The following EIF2B5 variants were observed in gnomAD, a reference collection of about 807,000 sequenced individuals.
EIF2B5 encodes the protein translation initiation factor eIF2B subunit epsilon.
In EIF2B5, 38 loss-of-function variants were observed where a neutral mutation model predicts 87.3. That is an observed-to-expected ratio of 0.44 (90% confidence interval 0.34 to 0.57). The LOEUF (loss-of-function observed/expected upper bound fraction) is 0.57. EIF2B5 is among the 20% of genes least tolerant of loss of function. The pLI, the probability that EIF2B5 is intolerant of heterozygous loss-of-function variation, is 0.02. For synonymous variants in EIF2B5, 313 were observed against 339.6 expected (o/e 0.92, Z 0.86); for missense variants, 784 against 909.5 (o/e 0.86, Z 1.78).
chr3:184,142,546 T>C lies in EIF2B5; in HGVS notation c.1489T>C (p.Trp497Arg), dbSNP rs1412381683. ...AGGAGCTGCTGGCAAGGGCTACCTC[T>C]GGAAAGCTGCAGGCATGAACATGGA... is the stretch of plus-strand genomic sequence containing the variant. Reference protein sequence around the residue: ...EVGAAGKGYLWKAAGMNMEEE... With the variant: ...EVGAAGKGYLRKAAGMNMEEE... The change falls in exon 10 of 16, where the codon TGG becomes CGG. Residue 497 changes from tryptophan to arginine, a missense_variant. Trp to Arg is a moderately radical substitution (Grantham distance 101). Coordinates refer to ENST00000648915, the MANE Select transcript of EIF2B5 (RefSeq NM_003907.3). This position sits in a 1 kb window ranked among gnomAD's most constrained non-coding sequence, Gnocchi z 5.0. The C allele has an allele frequency of 6.2e-7, 1 of 1,614,138 alleles. No homozygotes were observed. Among genetic ancestry groups the C allele is most frequent in the Non-Finnish European group, 8.5e-7 (1 of 1,180,026 alleles).
At position 184,144,135 on chromosome 3, in the gene EIF2B5, A is replaced by G. The variant is rs896253921; in HGVS notation, c.1906A>G (p.Ile636Val). The change falls in exon 14 of 16, where the codon ATA becomes GTA. Residue 636 changes from isoleucine to valine, a missense_variant. Coordinates refer to ENST00000648915, the MANE Select transcript of EIF2B5 (RefSeq NM_003907.3). Reference sequence around the variant, plus strand: ...CTGGAGCCCTGTTTTTAGGAACTACATAAAGCGCGCAGCCGACCATTTGGA... The same window carrying G: ...CTGGAGCCCTGTTTTTAGGAACTACGTAAAGCGCGCAGCCGACCATTTGGA... The part of the protein sequence containing the change: ...KAWSPVFRNY[I>V]KRAADHLEAL... 3.1e-6 allele frequency: 5 copies of G among 1,614,254 alleles called. No homozygotes were observed. The highest frequency in any genetic ancestry group is 1.1e-5 in the South Asian group (1 of 91,082).
intron 2 of EIF2B5, chr3:184,137,355 A>G: frequency 1.9e-6 from 1 of 534,620 alleles, no homozygotes; most frequent in Non-Finnish European, 3.4e-6. Flanking sequence ...CAGGATTTTG[A>G]GTTCAAATTG....
chr3:184,138,739 C>T (rs1713476977), intron 5 of EIF2B5: 2 of 224,478 alleles, frequency 8.9e-6, no homozygotes, highest in Non-Finnish European at 1.8e-5. Flanking sequence ...ACCATGACTG[C>T]TCACTGCAGC....
rs548249072 is a variant in EIF2B5 at position 184,136,682 on chromosome 3, A to G, written c.266A>G (p.Gln89Arg). The G allele has an allele frequency of 3.1e-6, 5 of 1,614,230 alleles. No homozygotes were observed. Among genetic ancestry groups the G allele is most frequent in the South Asian group, 1.1e-5 (1 of 91,088 alleles). Residue 89 changes from glutamine to arginine, a missense_variant, in exon 2 of 16, where the codon CAG (glutamine) becomes CGG (arginine). By Grantham distance (43) the Gln-to-Arg change is conservative (BLOSUM62 1). Coordinates refer to ENST00000648915, the MANE Select transcript of EIF2B5 (RefSeq NM_003907.3). ...TLEFLTATGVQETFVFCCWKA... is the reference protein window; with the variant it reads ...TLEFLTATGVRETFVFCCWKA... ...GAATTCCTGACTGCCACAGGTGTAC[A>G]GGAAACATTTGTCTTTTGTTGCTGG...
chr3:184,142,359 G>C lies in EIF2B5; in HGVS notation c.1425G>C (p.Lys475Asn), dbSNP rs747037283. The stretch of plus-strand genomic sequence containing the variant: ...ATGATTCTGGGGCTGACCAAGAAAA[G>C]GACAAAGTGAAGATGAAAGGTGTGA... The part of the protein sequence containing the change: ...FSDDSGADQE[K>N]DKVKMKGYNP... The change falls in exon 9 of 16, where the codon AAG becomes AAC. Residue 475 changes from lysine to asparagine, a missense_variant. Coordinates refer to ENST00000648915, the MANE Select transcript of EIF2B5 (RefSeq NM_003907.3). This position sits in a 1 kb window ranked among gnomAD's most constrained non-coding sequence, Gnocchi z 5.0. 1.2e-6 allele frequency: 2 copies of C among 1,614,054 alleles called. No individual in the cohort carries two copies. The highest frequency in any genetic ancestry group is 1.7e-6 in the Non-Finnish European group (2 of 1,180,034).
chr3:184,143,809 A>G (rs1713745954), intron 13 of EIF2B5: 1 of 674,744 alleles, frequency 1.5e-6, no homozygotes, highest in Non-Finnish European at 2.5e-6. Flanking sequence ...TTCAGAATGG[A>G]CCTGGACATT....
In EIF2B5 at chr3:184,144,959, T is replaced by C. The variant is rs972066340; in HGVS notation, c.*16T>C. 4.3e-6 allele frequency: 7 copies of C among 1,612,654 alleles called. No homozygotes were observed. The highest frequency in any genetic ancestry group is 1.7e-5 in the Admixed American group (1 of 59,962). On this transcript the variant is annotated 3_prime_UTR_variant, in exon 16 of 16. Coordinates refer to ENST00000648915, the MANE Select transcript of EIF2B5 (RefSeq NM_003907.3). ...AGATGACTGAAGTCACACTGCCTGC[T>C]CCTTTGGGTGTGATTGAGTGCCCTC...
chr3:184,135,501 C>A lies in EIF2B5; in HGVS notation c.116C>A (p.Pro39Gln). ...GGAGCCAGAGGGGCGGAGGAGGAAC[C>A]GCCGCCGCCCCTACAAGCAGTTCTG... Reference protein sequence around the residue: ...GGGARGAEEEPPPPLQAVLVA... With the variant: ...GGGARGAEEEQPPPLQAVLVA... The change falls in exon 1 of 16, where the codon CCG (proline) becomes CAG (glutamine). Residue 39 changes from proline (P) to glutamine (Q), a missense_variant. By Grantham distance (76) the Pro-to-Gln change is moderately conservative. This residue lies in a region of EIF2B5 where 117 missense variants were observed against 101.0 expected (regional missense o/e 1.16). Transcript: ENST00000648915. The A allele has an allele frequency of 1.9e-6, 3 of 1,580,548 alleles. No homozygotes were observed. The highest frequency in any genetic ancestry group is 4.6e-5 in the East Asian group (2 of 43,142).
chr3:184,137,895 T>G lies in EIF2B5; in HGVS notation c.507-3T>G. 1 of 1,614,180 alleles carries G rather than the reference T, an allele frequency of 6.2e-7. No homozygotes were observed. Among genetic ancestry groups the G allele is most frequent in the Non-Finnish European group, 8.5e-7 (1 of 1,180,046 alleles). ...GCAGTTCTGTCCCTCCTGTCCTTTA[T>G]AGGTTGAGACGGAAGCTAGAAAAAA... On this transcript the variant is annotated splice_region_variant and splice_polypyrimidine_tract_variant and intron_variant, in intron 3 of 15. Transcript: ENST00000648915.
rs1713707466 is a variant in EIF2B5, at chr3:184,142,949, G to C, written c.1654+63G>C. On this transcript the variant is annotated intron_variant, in intron 11 of 15. Coordinates refer to ENST00000648915, the MANE Select transcript of EIF2B5 (RefSeq NM_003907.3). This position sits in a 1 kb window ranked among gnomAD's most constrained non-coding sequence, Gnocchi z 5.0. ...TCTCTGCCTGGATCAACTAGCCAGAGGCTTACGTTCCTCAGAAAGGGTTTG... is the reference window on the plus strand; with the variant it reads ...TCTCTGCCTGGATCAACTAGCCAGACGCTTACGTTCCTCAGAAAGGGTTTG... The C allele has an allele frequency of 6.4e-7, 1 of 1,574,544 alleles. No individual in the cohort carries two copies. The highest frequency in any genetic ancestry group is 8.7e-7 in the Non-Finnish European group (1 of 1,151,710).
chr3:184,140,507 T>A lies in EIF2B5; in HGVS notation c.933T>A (p.Ala311=). 1 of 1,614,150 alleles carries A rather than the reference T, an allele frequency of 6.2e-7. No homozygotes were observed. Among genetic ancestry groups the A allele is most frequent in the Non-Finnish European group, 8.5e-7 (1 of 1,180,030 alleles). The change falls in exon 7 of 16, where the codon GCT becomes GCA. Residue 311 remains alanine, a synonymous_variant. Transcript: ENST00000648915. ...TACACATGTACTCAGCTGTCTGTGCTGACGTCATCCGCCGATGGGTCTACC... is the reference window on the plus strand; with the variant it reads ...TACACATGTACTCAGCTGTCTGTGCAGACGTCATCCGCCGATGGGTCTACC... ...SNLHMYSAVC[A]DVIRRWVYPL...
chr3:184,144,351 T>C, intron 14 of EIF2B5, 127 bp downstream of exon 14: 2 of 1,473,618 alleles, frequency 1.4e-6, no homozygotes. Flanking sequence ...AATATGCTTA[T>C]TGCTAGAATA....
At chr3:184,140,379 C>G (rs1672123182) in intron 6 of EIF2B5, 39 bp from the exon 7 acceptor site, 3 of 1,609,320 alleles carry the variant, frequency 1.9e-6, no homozygotes, top group Non-Finnish European at 2.6e-6. Flanking sequence ...TTCTTCCTGT[C>G]TTTCTTGCTT....
rs113994075 is a variant in EIF2B5, at chr3:184,141,928, A to G, written c.1160A>G (p.Asp387Gly). ...AGGTCTTCCCATCCTGAGCCAGGTG[A>G]TAACGTGGTGCTGGACCAGACCTAC... The part of the protein sequence containing the change: ...SVIGPGCHIG[D>G]NVVLDQTYLW... Residue 387 changes from aspartate to glycine, a missense_variant, in exon 8 of 16, where the codon GAT becomes GGT. This residue lies in a region of EIF2B5 where 660 missense variants were observed against 789.5 expected (regional missense o/e 0.84). Transcript: ENST00000648915. 10 of 1,614,068 alleles carry G rather than the reference A, an allele frequency of 6.2e-6. No homozygotes were observed. The highest frequency in any genetic ancestry group is 1.1e-5 in the South Asian group (1 of 91,068).
Position 184,142,151 on chromosome 3 carries a change from A to C in EIF2B5, c.1302+81A>C. On this transcript the variant is annotated intron_variant, in intron 8 of 15. Transcript: ENST00000648915. This position sits in a 1 kb window ranked among gnomAD's most constrained non-coding sequence, Gnocchi z 5.0. ...GCCAGAAGGGGCATTATTTCCACCC[A>C]TAATCCTGTCTAAAAAAGTTGCTCT... is the stretch of plus-strand genomic sequence containing the variant. 6.2e-7 allele frequency: 1 copy of C among 1,614,008 alleles called. No homozygotes were observed. Among genetic ancestry groups the C allele is most frequent in the Non-Finnish European group, 8.5e-7 (1 of 1,179,940 alleles).
At position 184,142,852 on chromosome 3, in the gene EIF2B5, C is replaced by T. The variant is rs1478117377; in HGVS notation, c.1620C>T (p.Ser540=). ...EQSMDSEEPD[S]RGGSPQMDDI... is the part of the protein sequence containing the mutation. Reference sequence around the variant, plus strand: ...GTATGGATTCTGAGGAGCCGGACAGCCGGGGAGGCTCCCCTCAGATGGATG... The same window carrying T: ...GTATGGATTCTGAGGAGCCGGACAGTCGGGGAGGCTCCCCTCAGATGGATG... Residue 540 remains serine (S), a synonymous_variant, in exon 11 of 16, where the codon AGC becomes AGT. Coordinates refer to ENST00000648915, the MANE Select transcript of EIF2B5 (RefSeq NM_003907.3). This position sits in a 1 kb window ranked among gnomAD's most constrained non-coding sequence, Gnocchi z 5.0. 5.0e-6 allele frequency: 8 copies of T among 1,613,834 alleles called. No homozygotes were observed. The highest frequency in any genetic ancestry group is 6.8e-6 in the Non-Finnish European group (8 of 1,179,970).
At position 184,137,994 on chromosome 3, in the gene EIF2B5, G is replaced by A. The variant is rs779505311; in HGVS notation, c.603G>A (p.Val201=). Residue 201 remains valine, a synonymous_variant, in exon 4 of 16, where the codon GTG becomes GTA. Coordinates refer to ENST00000648915, the MANE Select transcript of EIF2B5 (RefSeq NM_003907.3). ...SHPTRCHEDN[V]VVAVDSTTNR... ...CAACTCGTTGCCACGAAGACAATGTGGTAGTGGCTGTGGATAGTACCACAA... is the reference window on the plus strand; with the variant it reads ...CAACTCGTTGCCACGAAGACAATGTAGTAGTGGCTGTGGATAGTACCACAA... The A allele has an allele frequency of 2.5e-6, 4 of 1,614,200 alleles. No individual in the cohort carries two copies. Among genetic ancestry groups the A allele is most frequent in the Non-Finnish European group, 2.5e-6 (3 of 1,180,046 alleles).
rs770857433 is a variant in EIF2B5, at chr3:184,138,172, T to C, written c.691T>C (p.Phe231Leu). ...LRRFAFPLSL[F>L]QGSSDGVEVR... ...TTGTAACTTCTCCCCACAGAGCCTG[T>C]TTCAGGGCAGTAGTGATGGAGTGGA... The change falls in exon 5 of 16, where the codon TTT (phenylalanine) becomes CTT (leucine). Residue 231 changes from phenylalanine (F) to leucine (L), a missense_variant. This residue lies in a region of EIF2B5 where 660 missense variants were observed against 789.5 expected (regional missense o/e 0.84). Transcript: ENST00000648915. The C allele has an allele frequency of 6.2e-7, 1 of 1,614,122 alleles. No homozygotes were observed. Among genetic ancestry groups the C allele is most frequent in the South Asian group, 1.1e-5 (1 of 91,082 alleles).
intron 6 of EIF2B5, 123 bp downstream of exon 6, chr3:184,140,280 C>T (rs942390974): frequency 7.3e-6 from 10 of 1,375,902 alleles, no homozygotes; most frequent in Middle Eastern, 3.6e-4. Flanking sequence ...AAGCAGGGGA[C>T]AGGAGGAACA....
Sources: gnomAD v4.1 joint callset for allele counts on GRCh38, gnomAD v4.1.1 for gene constraint, gnomAD v4.1.1 regional missense constraint, Gnocchi (gnomAD v3.1) non-coding constraint, MANE v1.5 for transcripts, NCBI Gene and HGNC (gene_info 2026-07-23, HGNC 2026-07-21) for gene names.